The following LRP2 variants were observed in gnomAD, a reference collection of about 807,000 sequenced individuals.
LRP2 encodes low-density lipoprotein receptor-related protein 2.
Under a neutral mutation model 531.0 loss-of-function variants are expected in LRP2, and 172 were observed. The observed-to-expected ratio is 0.32, with a 90% confidence interval of 0.29 to 0.37. The LOEUF is 0.37. Among genes scored for constraint, LRP2 ranks in the 10% least tolerant of loss-of-function variants. LRP2 has a pLI of 1.00. For synonymous variants in LRP2, 1,992 were observed against 2,027.6 expected (o/e 0.98, Z 0.47); for missense variants, 5,167 against 5,868.3 (o/e 0.88, Z 3.90).
At chr2:169,214,591 A>C (rs1340028778) in intron 35 of LRP2, among the ~76,000 whole-genome samples, 5 of 152,190 alleles carry the variant, frequency 3.3e-5, no homozygotes, top group African/African-American at 1.2e-4. Flanking sequence ...CCCAGCAGTT[A>C]CAAGAGTGGT....
intron 45 of LRP2, among the ~76,000 whole-genome samples, chr2:169,198,439 G>A (rs1180646285): frequency 6.6e-6 from 1 of 152,034 alleles, no homozygotes; most frequent in African/African-American, 2.4e-5. Context: ...AGTTACTGAT[G>A]GCCACTATAA....
chr2:169,295,626 T>C (rs1211216567), intron 4 of LRP2, among the ~76,000 whole-genome samples: 1 of 152,184 alleles, frequency 6.6e-6, no homozygotes, highest in Non-Finnish European at 1.5e-5. Flanking sequence ...AAGGATCCTG[T>C]CTTACTCATT....
chr2:169,350,715 C>T (rs1489483867), intron 1 of LRP2, among the ~76,000 whole-genome samples: 1 of 107,484 alleles, frequency 9.3e-6, no homozygotes, highest in African/African-American at 3.7e-5. Context: ...CAGAGCGAGA[C>T]TCCATCGCAA....
rs544027509 is a variant in LRP2, at chr2:169,257,048, A to G, written c.2639+76T>C. The G allele has an allele frequency of 3.8e-6, 6 of 1,570,204 alleles. No homozygotes were observed. The African/African-American group carries it at 6.8e-5, about 18-fold the overall frequency. On this transcript the variant is annotated intron_variant, in intron 18 of 78. Coordinates refer to ENST00000649046, the MANE Select transcript of LRP2 (RefSeq NM_004525.3). ...GCAGTACCAGTTTCCTTACACCATCATATCACCCAACCTGCCTCATTATGT... is the reference window on the plus strand; with the variant it reads ...GCAGTACCAGTTTCCTTACACCATCGTATCACCCAACCTGCCTCATTATGT...
intron 1 of LRP2, among the ~76,000 whole-genome samples, chr2:169,353,041 A>G (rs1685894502): frequency 6.6e-6 from 1 of 152,172 alleles, no homozygotes; most frequent in Non-Finnish European, 1.5e-5. Flanking sequence ...AAGTAAAATA[A>G]AATAAAATTT....
intron 78 of LRP2, 44 bp downstream of exon 78, chr2:169,128,969 T>C (rs1685190024): frequency 6.4e-7 from 1 of 1,562,162 alleles, no homozygotes; most frequent in Admixed American, 1.7e-5. Flanking sequence ...GCAAATAATT[T>C]CTAAGAAAAA....
chr2:169,129,049 T>C lies in LRP2; in HGVS notation c.13764A>G (p.Lys4588=). ...TKWNLFKRKS[K]QTTNFENPIY... is the part of the protein sequence containing the mutation. ...TTGGATTTTCAAAGTTGGTAGTTTG[T>C]TTAGATTTTCGTTTGAAGAGATTCC... Residue 4588 remains lysine (K), a synonymous_variant, in exon 78 of 79, where the codon AAA becomes AAG. Transcript: ENST00000649046. 1.2e-6 allele frequency: 2 copies of C among 1,612,574 alleles called. No homozygotes were observed. Among genetic ancestry groups the C allele is most frequent in the African/African-American group, 2.7e-5 (2 of 75,028 alleles).
At chr2:169,355,602 TG>T (rs1434194909) in intron 1 of LRP2, among the ~76,000 whole-genome samples, 1 of 152,214 alleles carries the variant, frequency 6.6e-6, no homozygotes, top group East Asian at 1.9e-4. Flanking sequence ...CTGAAACTTT[TG>T]CTGGGAATAG....
chr2:169,302,803 T>C (rs830968), intron 4 of LRP2, among the ~76,000 whole-genome samples: 99,354 of 151,256 alleles, frequency 0.66, 33,427 homozygotes, highest in East Asian at 0.8. Context: ...GGAAACCCCA[T>C]AAATTGAAAG....
At chr2:169,210,339 T>C (rs1035293009) in intron 37 of LRP2, among the ~76,000 whole-genome samples, 14 of 152,172 alleles carry the variant, frequency 9.2e-5, no homozygotes, top group African/African-American at 3.4e-4. Flanking sequence ...AAAGCAGCAG[T>C]GTAGCAGTGA....
intron 1 of LRP2, among the ~76,000 whole-genome samples, chr2:169,353,693 C>T (rs1198766823): frequency 6.6e-6 from 1 of 152,106 alleles, no homozygotes; most frequent in Non-Finnish European, 1.5e-5. Flanking sequence ...AATTTCCTGA[C>T]AAAATAAATG....
intron 3 of LRP2, among the ~76,000 whole-genome samples, chr2:169,311,506 G>A (rs1004393015): frequency 4.6e-5 from 7 of 152,148 alleles, no homozygotes; most frequent in South Asian, 2.1e-4. Flanking sequence ...GTAGTTGAGC[G>A]GTTTTGAGTG....
Position 169,188,283 on chromosome 2 carries a change from G to T in LRP2, c.9033-18C>A. 1 of 1,613,596 alleles carries T rather than the reference G, an allele frequency of 6.2e-7. No homozygotes were observed. Among genetic ancestry groups the T allele is most frequent in the Non-Finnish European group, 8.5e-7 (1 of 1,179,780 alleles). Reference sequence around the variant, plus strand: ...GGTCACACCTGTATCATGAGATCCAGTACCACTTTCAGAGAGGTTGGCAAT... The same window carrying T: ...GGTCACACCTGTATCATGAGATCCATTACCACTTTCAGAGAGGTTGGCAAT... On this transcript the variant is annotated intron_variant, in intron 48 of 78. Transcript: ENST00000649046.
chr2:169,317,186 T>C (rs1383477192), intron 3 of LRP2, among the ~76,000 whole-genome samples: 3 of 152,218 alleles, frequency 2.0e-5, no homozygotes, highest in East Asian at 3.8e-4. Flanking sequence ...CCAGTCTCTT[T>C]TCCCAAGCAG....
rs191262245 is a variant in LRP2, at chr2:169,284,557, G to A, written c.1043-1556C>T. Among the ~76,000 whole-genome samples the A allele has an allele frequency of 9.2e-5, 14 of 152,096 alleles. No homozygotes were observed. The East Asian group carries it at 1.5e-3, about 17-fold the overall frequency. ...GATGGGACTGCAGGCGTAAGCCACC[G>A]CATCCAGCCCCAAGAAGGCTCTTCT... On this transcript the variant is annotated intron_variant, in intron 9 of 78. Coordinates refer to ENST00000649046, the MANE Select transcript of LRP2 (RefSeq NM_004525.3).
Position 169,323,630 on chromosome 2 carries a change from A to T in LRP2, c.80-2746T>A, listed in dbSNP as rs542099005. ...CATTTTGTTATTTATTTGAAGATTT[A>T]AAAAAAAAAAAAGCTAAGGGGATGA... On this transcript the variant is annotated intron_variant, in intron 1 of 78. Transcript: ENST00000649046. Among the ~76,000 whole-genome samples the T allele has an allele frequency of 2.7e-3, 308 of 112,904 alleles. 1 individual carries two copies. The highest frequency in any genetic ancestry group is 7.7e-3 in the African/African-American group (280 of 36,220). The allele number at this position is 112,904 out of a possible 152,430, so 74.1% of individuals were successfully genotyped here. A position where few individuals can be genotyped will look rare whatever the true frequency, so the allele number is the denominator to read the frequency against.
chr2:169,209,707 C>A, intron 37 of LRP2, 66 bp from the exon 38 acceptor site: 1 of 1,474,604 alleles, frequency 6.8e-7, no homozygotes. Flanking sequence ...AATGTCTGCC[C>A]TTCCTCTCAA....
At chr2:169,170,524 A>G (rs1257436444) in intron 59 of LRP2, 27 bp downstream of exon 59, 2 of 1,571,796 alleles carry the variant, frequency 1.3e-6, no homozygotes, top group Admixed American at 1.7e-5. Flanking sequence ...ACAAAATTCT[A>G]TGGTAAGCTT....
chr2:169,359,827 A>G (rs887289983), intron 1 of LRP2, among the ~76,000 whole-genome samples: 1 of 152,110 alleles, frequency 6.6e-6, no homozygotes, highest in Non-Finnish European at 1.5e-5. Context: ...TGTACAAAAG[A>G]AAAAAGAGAA....
Sources: allele counts gnomAD v4.1 joint callset (sites outside exome capture counted in the v4.1 genomes callset), GRCh38; gene constraint gnomAD v4.1.1; transcripts MANE v1.5; gene names NCBI Gene and HGNC (gene_info 2026-07-23, HGNC 2026-07-21).